SETX: variants seen among roughly 807,000 people sequenced by gnomAD.
SETX encodes senataxin.
SETX carries 90 observed loss-of-function variants against 227.2 expected under a neutral mutation model. The ratio of observed to expected loss-of-function variants is 0.40; its 90% CI spans 0.33 to 0.47. The LOEUF (loss-of-function observed/expected upper bound fraction) is 0.47. Ranked by LOEUF, SETX falls within the 20% of genes least tolerant of loss-of-function variation. The pLI is 0.91. For missense variants in SETX, 3,052 were observed against 3,181.5 expected (o/e 0.96, Z 0.98); for synonymous variants, 1,210 against 1,113.2 (o/e 1.09, Z -1.73).
At chr9:132,349,194 C>A in intron 3 of SETX, 58 bp downstream of exon 3, 1 of 1,519,268 alleles carries the variant, frequency 6.6e-7, no homozygotes, top group Non-Finnish European at 9.1e-7. Context: ...GGAGTTCAAA[C>A]TTACTCTCTT....
chr9:132,348,312 A>G (rs558852), intron 3 of SETX, among the ~76,000 whole-genome samples: 130,431 of 146,280 alleles, frequency 0.89, 58,293 homozygotes, highest in Non-Finnish European at 0.92. Context: ...GAAGTGAGCC[A>G]AGATCACGCC....
At chr9:132,272,444 T>C (rs943201855) in intron 23 of SETX, among the ~76,000 whole-genome samples, 2 of 151,500 alleles carry the variant, frequency 1.3e-5, no homozygotes, top group Non-Finnish European at 2.9e-5. Context: ...CCACCATGCC[T>C]GGCCTTACAG....
intron 10 of SETX, among the ~76,000 whole-genome samples, chr9:132,321,079 C>T (rs1421730429): frequency 1.3e-5 from 2 of 152,200 alleles, no homozygotes; most frequent in Non-Finnish European, 2.9e-5. Flanking sequence ...TGTTTACACA[C>T]TGAATGCTCC....
intron 11 of SETX, among the ~76,000 whole-genome samples, chr9:132,309,456 GT>G (rs1385240122): frequency 6.6e-6 from 1 of 152,124 alleles, no homozygotes; most frequent in African/African-American, 2.4e-5. Flanking sequence ...TAGAAAAGGG[GT>G]TCCCAAATTT....
At chr9:132,279,177 G>A (rs768657118) in intron 20 of SETX, among the ~76,000 whole-genome samples, 1 of 152,144 alleles carries the variant, frequency 6.6e-6, no homozygotes, top group Non-Finnish European at 1.5e-5. Context: ...GAAAAACAGT[G>A]ACCTAAGTGA....
intron 10 of SETX, among the ~76,000 whole-genome samples, chr9:132,324,060 T>C (rs913218569): frequency 6.6e-6 from 1 of 152,176 alleles, no homozygotes; most frequent in African/African-American, 2.4e-5. Flanking sequence ...TATGTACAAA[T>C]GGAACTTGTG....
chr9:132,266,561 C>G (rs1261578102), intron 25 of SETX, among the ~76,000 whole-genome samples: 1 of 152,086 alleles, frequency 6.6e-6, no homozygotes. Flanking sequence ...CACCTGAGGT[C>G]AGAGGTTCAA....
At chr9:132,320,617 A>C (rs1226841634) in intron 10 of SETX, among the ~76,000 whole-genome samples, 12 of 134,164 alleles carry the variant, frequency 8.9e-5, no homozygotes, top group African/African-American at 3.3e-4. Flanking sequence ...AAAAAAAAAA[A>C]ACTAAACAAG....
chr9:132,291,217 A>AGTGCAAT (rs1286684970), intron 15 of SETX, among the ~76,000 whole-genome samples: 2 of 116,990 alleles, frequency 1.7e-5, no homozygotes, highest in Admixed American at 1.3e-4. Context: ...CCTAGGCTGG[A>AGTGCAAT]GTGCAATGGC....
chr9:132,324,066 T>C (rs1846549748), intron 10 of SETX, among the ~76,000 whole-genome samples: 1 of 152,176 alleles, frequency 6.6e-6, no homozygotes, highest in Non-Finnish European at 1.5e-5. Context: ...CAAATGGAAC[T>C]TGTGCTCATT....
chr9:132,264,823 AC>A lies in SETX; in HGVS notation c.7449del (p.Ser2484ProfsTer12). The part of the protein sequence containing the change: ...LTHPPTIAPE[G>X]SRPQGGLPSS... ...CTGGGCAAACCACCCTGGGGTCTGG[AC>A]CCCTCTGGGGCTATGGTAGGAGGGT... On this transcript the variant is annotated frameshift_variant, in exon 26 of 26. Transcript: ENST00000224140. LOFTEE classifies it low-confidence loss of function (END_TRUNC). 1 of 1,614,070 alleles carries A rather than the reference AC, an allele frequency of 6.2e-7. No homozygotes were observed. The highest frequency in any genetic ancestry group is 8.5e-7 in the Non-Finnish European group (1 of 1,180,008).
chr9:132,278,279 AAC>A (rs1352657258), intron 20 of SETX, 22 bp from the exon 21 acceptor site: 13 of 1,611,708 alleles, frequency 8.1e-6, no homozygotes, highest in Admixed American at 1.7e-5. Context: ...AAAATAAAGC[AAC>A]AGTTTCCAAG....
In SETX at chr9:132,275,275, T is replaced by G; in HGVS notation, c.7081A>C (p.Lys2361Gln). 2 of 1,614,158 alleles carry G rather than the reference T, an allele frequency of 1.2e-6. No individual in the cohort carries two copies. Among genetic ancestry groups the G allele is most frequent in the Non-Finnish European group, 8.5e-7 (1 of 1,180,012 alleles). The change falls in exon 23 of 26, where the codon AAA becomes CAA. Residue 2361 changes from lysine to glutamine, a missense_variant. Coordinates refer to ENST00000224140, the MANE Select transcript of SETX (RefSeq NM_015046.7). ...QKTMIQKDLD[K>Q]EFDRKGPAEV... ...CCTCACCCTTTTCTATCGAACTCTTTGTCCAAATCCTTCTGAATCATCGTC... is the reference window on the plus strand; with the variant it reads ...CCTCACCCTTTTCTATCGAACTCTTGGTCCAAATCCTTCTGAATCATCGTC...
Position 132,281,450 on chromosome 9 carries a change from GA to G in SETX, c.6654+16del. 1 of 1,577,524 alleles carries G rather than the reference GA, an allele frequency of 6.3e-7. No individual in the cohort carries two copies. Reference sequence around the variant, plus strand: ...AGCCCCTTCCATTTTAAAGCAATCTGAACATAAAAAACTTACCATAGAGATG... The same window carrying G: ...AGCCCCTTCCATTTTAAAGCAATCTGACATAAAAAACTTACCATAGAGATG... On this transcript the variant is annotated intron_variant, in intron 20 of 25. Coordinates refer to ENST00000224140, the MANE Select transcript of SETX (RefSeq NM_015046.7).
intron 2 of SETX, among the ~76,000 whole-genome samples, chr9:132,352,258 C>T (rs1848640996): frequency 6.6e-6 from 1 of 152,208 alleles, no homozygotes; most frequent in African/African-American, 2.4e-5. Context: ...CTACAACACA[C>T]CATTTTTTGG....
intron 7 of SETX, among the ~76,000 whole-genome samples, chr9:132,333,471 AAAG>A (rs1847395973): frequency 1.3e-5 from 2 of 149,870 alleles, no homozygotes; most frequent in South Asian, 2.1e-4. Context: ...CCTATCAACA[AAAG>A]AATAACATTA....
At chr9:132,313,293 A>AGAG (rs1564521751) in intron 10 of SETX, among the ~76,000 whole-genome samples, 2 of 152,348 alleles carry the variant, frequency 1.3e-5, no homozygotes, top group South Asian at 2.1e-4. Context: ...GATAAAAAAA[A>AGAG]TGGATCACTA....
intron 6 of SETX, 87 bp downstream of exon 6, chr9:132,336,209 C>T (rs1429507410): frequency 1.7e-5 from 20 of 1,162,178 alleles, no homozygotes; most frequent in Non-Finnish European, 2.4e-5. Flanking sequence ...TGCCACTGCA[C>T]TCCAGCCTGG....
chr9:132,315,945 G>T lies in SETX; in HGVS notation c.5275-4089C>A, dbSNP rs77352120. 7.6e-3 allele frequency among the ~76,000 whole-genome samples: 1,151 copies of T among 152,208 alleles called. 18 individuals are homozygous for T. Among genetic ancestry groups the T allele is most frequent in the African/African-American group, 0.026 (1,085 of 41,534 alleles). On this transcript the variant is annotated intron_variant, in intron 10 of 25. Transcript: ENST00000224140. The stretch of plus-strand genomic sequence containing the variant: ...GGGTGTGTGAGAGATTTAGACAAAT[G>T]GTAATCTACCATAAACTAGGTGTTT...
Sources: gnomAD v4.1 joint callset for allele counts (sites outside exome capture counted in the v4.1 genomes callset) on GRCh38, gnomAD v4.1.1 for gene constraint, MANE v1.5 for transcripts, NCBI Gene and HGNC (gene_info 2026-07-23, HGNC 2026-07-21) for gene names.